The following SSH2 variants were observed in gnomAD, a reference collection of about 807,000 sequenced individuals.
SSH2 encodes the protein protein phosphatase Slingshot homolog 2.
Under a neutral mutation model 135.2 loss-of-function variants are expected in SSH2, and 37 were observed. That is an observed-to-expected ratio of 0.27 (90% CI 0.21 to 0.36). The LOEUF (loss-of-function observed/expected upper bound fraction) is 0.36, where lower values mean the gene tolerates loss of function less well. Among genes scored for constraint, SSH2 ranks in the 10% least tolerant of loss-of-function variants. The probability of loss-of-function intolerance (pLI) is 1.00; values close to 1 mark genes in which losing one functional copy is unlikely to be tolerated. For missense variants in SSH2, 1,408 were observed against 1,765.3 expected (o/e 0.80, Z 3.63); for synonymous variants, 628 against 646.2 (o/e 0.97, Z 0.43).
At chr17:29,867,560 G>T (rs539079810) in intron 1 of SSH2, among the ~76,000 whole-genome samples, 1 of 152,326 alleles carries the variant, frequency 6.6e-6, no homozygotes, top group Non-Finnish European at 1.5e-5. Flanking sequence ...CAGAATGAAG[G>T]TTTGAACAGC....
At chr17:29,735,642 A>G (rs1209778477) in intron 3 of SSH2, among the ~76,000 whole-genome samples, 6 of 149,934 alleles carry the variant, frequency 4.0e-5, no homozygotes, top group Non-Finnish European at 8.9e-5. Flanking sequence ...GGTTGCAGTG[A>G]GTCGAGATCG....
chr17:29,749,887 C>T (rs868181480), intron 3 of SSH2, among the ~76,000 whole-genome samples: 33 of 151,784 alleles, frequency 2.2e-4, no homozygotes, highest in African/African-American at 7.2e-4. Context: ...CCACCACGCC[C>T]GATTAATTTT....
At chr17:29,907,824 T>TA (rs2066684347) in intron 1 of SSH2, among the ~76,000 whole-genome samples, 1 of 151,486 alleles carries the variant, frequency 6.6e-6, no homozygotes, top group African/African-American at 2.4e-5. Context: ...AAACCTTTTT[T>TA]TTTTTTTTTT....
At chr17:29,680,090 A>G (rs2037906541) in intron 6 of SSH2, among the ~76,000 whole-genome samples, 1 of 152,194 alleles carries the variant, frequency 6.6e-6, no homozygotes. Flanking sequence ...GTTGAATATG[A>G]ATCTGTAATG....
intron 5 of SSH2, among the ~76,000 whole-genome samples, chr17:29,694,148 A>T (rs555589349): frequency 6.6e-6 from 1 of 152,170 alleles, no homozygotes; most frequent in Non-Finnish European, 1.5e-5. Context: ...GCCCAAGACA[A>T]TTCTTCTTTT....
At chr17:29,773,291 T>C (rs1370995047) in intron 3 of SSH2, among the ~76,000 whole-genome samples, 3 of 152,150 alleles carry the variant, frequency 2.0e-5, no homozygotes, top group Non-Finnish European at 4.4e-5. Flanking sequence ...TATTACAATG[T>C]AGAAAAGAAA....
rs143846918 is a variant in SSH2, at chr17:29,922,028, G to C, written c.63+7910C>G. ...GAAGGAGCACCTACCATGATCTGAG[G>C]GGGTGGAGTCAGGGAAGCTTCCCAG... On this transcript the variant is annotated intron_variant, in intron 1 of 15. Transcript: ENST00000540801. 7.2e-4 allele frequency among the ~76,000 whole-genome samples: 109 copies of C among 152,296 alleles called. No homozygotes were observed. In the East Asian group the frequency reaches 0.018, roughly 25 times the overall value.
At chr17:29,887,917 A>G (rs561208579) in intron 1 of SSH2, among the ~76,000 whole-genome samples, 2 of 152,310 alleles carry the variant, frequency 1.3e-5, no homozygotes, top group South Asian at 4.1e-4. Context: ...GTTTTTGCAG[A>G]TTAGTATATG....
intron 2 of SSH2, among the ~76,000 whole-genome samples, chr17:29,814,444 A>AAAG (rs2042517416): frequency 6.6e-6 from 1 of 150,770 alleles, no homozygotes; most frequent in African/African-American, 2.4e-5. Flanking sequence ...AAAAAAAAAA[A>AAAG]AAAAAAAAAA....
chr17:29,864,450 T>C (rs1567617395), intron 1 of SSH2, among the ~76,000 whole-genome samples: 2 of 151,954 alleles, frequency 1.3e-5, no homozygotes, highest in South Asian at 2.1e-4. Context: ...CTCTTATAGA[T>C]ATACTCATAC....
chr17:29,915,477 T>G (rs552068336), intron 1 of SSH2, among the ~76,000 whole-genome samples: 1 of 152,336 alleles, frequency 6.6e-6, no homozygotes, highest in South Asian at 2.1e-4. Flanking sequence ...GCAATTTCTA[T>G]TTTGCCACAT....
rs2037747658 is a variant in SSH2, at chr17:29,676,946, A to G, written c.549-61T>C. On this transcript the variant is annotated intron_variant, in intron 7 of 15. Transcript: ENST00000540801. ...ATTAGGGTAGGTTATTTGAATTGTG[A>G]GTTTTCATGGATGTATCCCAGGCTA... is the stretch of plus-strand genomic sequence containing the variant. 5 of 1,405,164 alleles carry G rather than the reference A, an allele frequency of 3.6e-6. No homozygotes were observed. The South Asian group carries it at 5.8e-5, about 16-fold the overall frequency. 87.0% of individuals were successfully genotyped at this position (1,405,164 alleles called of 1,614,324 possible). A position where few individuals can be genotyped will look rare whatever the true frequency, so the allele number is the denominator to read the frequency against.
In SSH2 at chr17:29,631,123, T is replaced by C; in HGVS notation, c.4071A>G (p.Thr1357=). Residue 1357 remains threonine, a synonymous_variant, in exon 16 of 16, where the codon ACA becomes ACG. Transcript: ENST00000540801. The part of the protein sequence containing the change: ...TKSFVEQLTT[T]ECIVQSKPVE... Reference sequence around the variant, plus strand: ...CTGGCTTGCTCTGCACAATACACTCTGTTGTTGTGAGTTGTTCTACAAAAG... The same window carrying C: ...CTGGCTTGCTCTGCACAATACACTCCGTTGTTGTGAGTTGTTCTACAAAAG... 6.2e-7 allele frequency: 1 copy of C among 1,614,226 alleles called. No homozygotes were observed. Among genetic ancestry groups the C allele is most frequent in the South Asian group, 1.1e-5 (1 of 91,088 alleles).
intron 1 of SSH2, chr17:29,882,858 A>T (rs1407594984): frequency 1.3e-5 from 2 of 152,206 alleles, no homozygotes; most frequent in African/African-American, 4.8e-5. Context: ...GAGACGGGGT[A>T]TCACTATGTT....
chr17:29,720,792 A>G (rs1004665989), intron 3 of SSH2, among the ~76,000 whole-genome samples: 2 of 152,200 alleles, frequency 1.3e-5, no homozygotes, highest in African/African-American at 4.8e-5. Context: ...AAATAGCAAA[A>G]GGCAAAGTCC....
At chr17:29,907,074 C>A (rs2066667127) in intron 1 of SSH2, among the ~76,000 whole-genome samples, 1 of 152,136 alleles carries the variant, frequency 6.6e-6, no homozygotes, top group Non-Finnish European at 1.5e-5. Context: ...ATGTTGACTG[C>A]AGCACTATCC....
intron 4 of SSH2, among the ~76,000 whole-genome samples, chr17:29,699,319 A>G (rs1449545244): frequency 6.6e-6 from 1 of 152,218 alleles, no homozygotes; most frequent in Non-Finnish European, 1.5e-5. Flanking sequence ...AAAAATTCTA[A>G]CTAGTTCAAG....
At chr17:29,664,215 C>T (rs113676896) in intron 11 of SSH2, among the ~76,000 whole-genome samples, 4 of 151,812 alleles carry the variant, frequency 2.6e-5, no homozygotes, top group Admixed American at 2.6e-4. Context: ...CTACTAAAAA[C>T]ACAAAAAATT....
chr17:29,783,382 C>T (rs1279519388), intron 3 of SSH2, among the ~76,000 whole-genome samples: 2 of 149,536 alleles, frequency 1.3e-5, no homozygotes, highest in East Asian at 3.9e-4. Context: ...ATCACAAGGT[C>T]CCACAATAGG....
Sources: allele counts gnomAD v4.1 joint callset (sites outside exome capture counted in the v4.1 genomes callset), GRCh38; gene constraint gnomAD v4.1.1; transcripts MANE v1.5; gene names NCBI Gene and HGNC (gene_info 2026-07-23, HGNC 2026-07-21).